The following ROBO2 variants were observed in gnomAD, a reference collection of about 807,000 sequenced individuals.
ROBO2 encodes roundabout guidance receptor 2.
ROBO2 carries 53 observed loss-of-function variants against 160.8 expected under a neutral mutation model. The observed-to-expected ratio is 0.33, with a 90% CI of 0.26 to 0.41. The LOEUF (loss-of-function observed/expected upper bound fraction) is 0.41. Among genes scored for constraint, ROBO2 ranks in the 10% least tolerant of loss-of-function variants. ROBO2 has a pLI of 1.00. For missense variants in ROBO2, 1,577 were observed against 1,722.4 expected, an observed-to-expected ratio of 0.92 and a Z score of 1.49; for synonymous variants, 664 against 611.7, an observed-to-expected ratio of 1.09 and a Z score of -1.26.
At chr3:76,103,103 G>A (rs1435836742) in intron 2 of ROBO2, among the ~76,000 whole-genome samples, 4 of 152,094 alleles carry the variant, frequency 2.6e-5, no homozygotes, top group East Asian at 3.9e-4. Flanking sequence ...GATTACAGGC[G>A]TGAGCCACCA....
At chr3:76,292,619 G>A (rs931730362) in intron 2 of ROBO2, among the ~76,000 whole-genome samples, 7 of 151,756 alleles carry the variant, frequency 4.6e-5, no homozygotes, top group African/African-American at 1.7e-4. Context: ...ATATAAGTGT[G>A]GTGTTTAAAC....
chr3:76,570,309 A>G (rs2084880129), intron 2 of ROBO2, among the ~76,000 whole-genome samples: 1 of 152,208 alleles, frequency 6.6e-6, no homozygotes, highest in Admixed American at 6.5e-5. Context: ...GTTTATGGTG[A>G]CTTCACAAAC....
chr3:76,603,848 G>T (rs575591886), intron 2 of ROBO2, among the ~76,000 whole-genome samples: 1 of 152,146 alleles, frequency 6.6e-6, no homozygotes, highest in East Asian at 1.9e-4. Flanking sequence ...ATATGAATTT[G>T]CTTGATAGTT....
chr3:75,958,421 G>T (rs772170668), intron 2 of ROBO2, among the ~76,000 whole-genome samples: 5 of 151,790 alleles, frequency 3.3e-5, no homozygotes, highest in Non-Finnish European at 7.4e-5. Context: ...TGGAGAAACA[G>T]AAAGTCAAGC....
intron 2 of ROBO2, among the ~76,000 whole-genome samples, chr3:77,126,730 G>A (rs2075350431): frequency 6.9e-6 from 1 of 145,042 alleles, no homozygotes; most frequent in Admixed American, 6.8e-5. Flanking sequence ...TCCTTTGAAA[G>A]ATGGTGAAGT....
chr3:77,548,909 T>C (rs375747971), intron 7 of ROBO2, among the ~76,000 whole-genome samples: 20 of 151,962 alleles, frequency 1.3e-4, no homozygotes, highest in Admixed American at 4.6e-4. Flanking sequence ...AATTGGGATA[T>C]TGGGAAAAAA....
chr3:75,990,660 C>T (rs1034830568), intron 2 of ROBO2, among the ~76,000 whole-genome samples: 3 of 152,024 alleles, frequency 2.0e-5, no homozygotes, highest in Non-Finnish European at 2.9e-5. Context: ...AGAATTACCG[C>T]CATTGGAAGG....
intron 2 of ROBO2, among the ~76,000 whole-genome samples, chr3:76,960,935 T>C (rs2079602038): frequency 1.3e-5 from 2 of 152,144 alleles, no homozygotes; most frequent in South Asian, 2.1e-4. Context: ...TTCTATATGA[T>C]AAAATGTAAA....
intron 2 of ROBO2, among the ~76,000 whole-genome samples, chr3:77,254,325 G>T (rs2090698461): frequency 6.6e-6 from 1 of 152,042 alleles, no homozygotes. Context: ...TTAAGTCAAT[G>T]TATTCATTTT....
chr3:76,360,540 C>T (rs533385523), intron 2 of ROBO2, among the ~76,000 whole-genome samples: 7 of 152,170 alleles, frequency 4.6e-5, no homozygotes, highest in Admixed American at 1.3e-4. Flanking sequence ...AATAAACTTT[C>T]GCTTAGTAAG....
chr3:77,506,920 T>A (rs1249139192), intron 5 of ROBO2, among the ~76,000 whole-genome samples: 2 of 152,162 alleles, frequency 1.3e-5, no homozygotes, highest in Non-Finnish European at 2.9e-5. Context: ...TTTGGTTTGA[T>A]ATAGGCATGT....
At chr3:76,919,087 C>T (rs1264937493) in intron 2 of ROBO2, among the ~76,000 whole-genome samples, 3 of 151,616 alleles carry the variant, frequency 2.0e-5, no homozygotes, top group South Asian at 2.1e-4. Context: ...TGTCAGATGG[C>T]GCAATGCCTA....
At chr3:76,862,826 G>A (rs2070940684) in intron 2 of ROBO2, among the ~76,000 whole-genome samples, 2 of 152,062 alleles carry the variant, frequency 1.3e-5, no homozygotes, top group African/African-American at 4.8e-5. Flanking sequence ...TATTTTAGGG[G>A]ATTTAATTAG....
intron 21 of ROBO2, among the ~76,000 whole-genome samples, chr3:77,616,561 TG>T (rs1461910807): frequency 6.6e-6 from 1 of 151,884 alleles, no homozygotes; most frequent in African/African-American, 2.4e-5. Context: ...ATTGTGGGAG[TG>T]GGGGTGAAGT....
chr3:76,403,164 C>T (rs975276976), intron 2 of ROBO2, among the ~76,000 whole-genome samples: 1 of 151,534 alleles, frequency 6.6e-6, no homozygotes, highest in East Asian at 1.9e-4. Flanking sequence ...ATGCCTATCA[C>T]AGGCAATGAG....
At chr3:76,161,753 A>G (rs2072648288) in intron 2 of ROBO2, among the ~76,000 whole-genome samples, 1 of 151,756 alleles carries the variant, frequency 6.6e-6, no homozygotes, top group Non-Finnish European at 1.5e-5. Flanking sequence ...CTTGGTTCTT[A>G]CTCTGTTGTA....
intron 2 of ROBO2, among the ~76,000 whole-genome samples, chr3:76,656,082 A>T (rs2091509009): frequency 6.6e-6 from 1 of 152,144 alleles, no homozygotes; most frequent in South Asian, 2.1e-4. Flanking sequence ...TGTACTAAGC[A>T]AAAACAGCCA....
intron 21 of ROBO2, among the ~76,000 whole-genome samples, chr3:77,617,037 C>T (rs1461360199): frequency 6.6e-6 from 1 of 152,086 alleles, no homozygotes; most frequent in Admixed American, 6.6e-5. Flanking sequence ...GTCTTAATGA[C>T]ATATGGAATG....
intron 24 of ROBO2, among the ~76,000 whole-genome samples, chr3:77,640,389 C>G (rs953915233): frequency 1.3e-5 from 2 of 152,306 alleles, no homozygotes; most frequent in Non-Finnish European, 2.9e-5. Flanking sequence ...CTGCGATTTA[C>G]AGGCGTGAGC....
Sources: allele counts gnomAD v4.1 joint callset (sites outside exome capture counted in the v4.1 genomes callset), GRCh38; gene constraint gnomAD v4.1.1; transcripts MANE v1.5; gene names NCBI Gene and HGNC (gene_info 2026-07-23, HGNC 2026-07-21).